ASXL3: variants seen among roughly 807,000 people sequenced by gnomAD.
ASXL3 encodes the protein putative Polycomb group protein ASXL3.
ASXL3 carries 34 observed loss-of-function variants against 170.6 expected under a neutral mutation model. That is an observed-to-expected ratio of 0.20 (90% CI 0.15 to 0.27). The LOEUF is 0.27. ASXL3 is among the 10% of genes least tolerant of loss of function. The probability of loss-of-function intolerance (pLI) is 1.00; values close to 1 mark genes in which losing one functional copy is unlikely to be tolerated. For synonymous variants in ASXL3, 1,002 were observed against 989.1 expected, an observed-to-expected ratio of 1.01 and a Z score of -0.24; for missense variants, 2,592 against 2,695.3, an observed-to-expected ratio of 0.96 and a Z score of 0.85.
intron 1 of ASXL3, among the ~76,000 whole-genome samples, chr18:33,581,276 A>T (rs2064989734): frequency 6.6e-6 from 1 of 152,110 alleles, no homozygotes; most frequent in African/African-American, 2.4e-5. Context: ...GTTGTTAGGG[A>T]CTTTAGCCTT....
intron 1 of ASXL3, among the ~76,000 whole-genome samples, chr18:33,603,864 A>G (rs2065214145): frequency 6.6e-6 from 1 of 152,068 alleles, no homozygotes; most frequent in Non-Finnish European, 1.5e-5. Flanking sequence ...GAAAGAAAGG[A>G]CATTTTATGT....
chr18:33,725,010 C>T (rs9956636), intron 8 of ASXL3, among the ~76,000 whole-genome samples: 59,270 of 151,736 alleles, frequency 0.39, 12,319 homozygotes, highest in East Asian at 0.69. Flanking sequence ...TCTCCTGGGC[C>T]ATCTGAATTA....
chr18:33,734,257 A>G, intron 9 of ASXL3, 53 bp from the exon 10 acceptor site: 2 of 1,250,394 alleles, frequency 1.6e-6, no homozygotes, highest in South Asian at 1.6e-5. Context: ...TTCTTTATTA[A>G]TTAGCAAAAG....
At chr18:33,661,573 A>G in intron 4 of ASXL3, 43 bp from the exon 5 acceptor site, 1 of 1,555,316 alleles carries the variant, frequency 6.4e-7, no homozygotes, top group Admixed American at 1.9e-5. Context: ...GATATAAAAA[A>G]GGAATTCAAA....
chr18:33,718,834 C>CA (rs974599097), intron 8 of ASXL3, among the ~76,000 whole-genome samples: 1 of 151,668 alleles, frequency 6.6e-6, no homozygotes. Context: ...TGGCTATAAG[C>CA]AAGTCATAGG....
chr18:33,700,409 A>G (rs1409393145), intron 8 of ASXL3, among the ~76,000 whole-genome samples: 2 of 151,986 alleles, frequency 1.3e-5, no homozygotes, highest in Non-Finnish European at 2.9e-5. Context: ...GAAGTTTCCT[A>G]GTGGAAAATC....
chr18:33,580,187 T>TG (rs1232139850), intron 1 of ASXL3, among the ~76,000 whole-genome samples: 1 of 152,220 alleles, frequency 6.6e-6, no homozygotes, highest in Non-Finnish European at 1.5e-5. Context: ...ACTCTGTGGA[T>TG]GAATGGGCAG....
chr18:33,700,077 G>A (rs1034515268), intron 8 of ASXL3, among the ~76,000 whole-genome samples: 10 of 152,038 alleles, frequency 6.6e-5, no homozygotes, highest in African/African-American at 2.4e-4. Flanking sequence ...TAGTAAATTT[G>A]CCTGAAAGTG....
intron 1 of ASXL3, among the ~76,000 whole-genome samples, chr18:33,601,473 A>T (rs932930775): frequency 2.0e-5 from 3 of 151,846 alleles, no homozygotes; most frequent in African/African-American, 7.3e-5. Context: ...GTGAGTAGGG[A>T]TTCCTGGTTC....
At chr18:33,733,062 A>T (rs1481149487) in intron 9 of ASXL3, among the ~76,000 whole-genome samples, 34 of 152,062 alleles carry the variant, frequency 2.2e-4, no homozygotes, top group Admixed American at 2.2e-3. Flanking sequence ...TTTCATCAGG[A>T]TCTCCTATTC....
At chr18:33,593,677 T>C (rs929638111) in intron 1 of ASXL3, among the ~76,000 whole-genome samples, 1 of 152,208 alleles carries the variant, frequency 6.6e-6, no homozygotes, top group African/African-American at 2.4e-5. Flanking sequence ...AGGAGGTTTT[T>C]CCCAATCCTT....
intron 4 of ASXL3, among the ~76,000 whole-genome samples, chr18:33,659,793 A>G (rs1409417264): frequency 1.3e-5 from 2 of 152,114 alleles, no homozygotes; most frequent in East Asian, 3.9e-4. Context: ...GTCTTAAGCA[A>G]AAAAATCATA....
intron 2 of ASXL3, among the ~76,000 whole-genome samples, chr18:33,619,482 A>G (rs994027789): frequency 3.7e-4 from 56 of 151,596 alleles, no homozygotes; most frequent in African/African-American, 2.4e-5. Flanking sequence ...ACCCACTTAC[A>G]TTTGGAGGAT....
intron 8 of ASXL3, among the ~76,000 whole-genome samples, chr18:33,712,916 TC>T (rs1307270126): frequency 6.6e-6 from 1 of 152,132 alleles, no homozygotes; most frequent in Non-Finnish European, 1.5e-5. Context: ...GTGCAGTACT[TC>T]TGTTTCTTCT....
chr18:33,676,759 T>A (rs1243715606), intron 7 of ASXL3, among the ~76,000 whole-genome samples: 1 of 152,176 alleles, frequency 6.6e-6, no homozygotes, highest in African/African-American at 2.4e-5. Flanking sequence ...GCCTAATCAG[T>A]TGTTTTAATA....
At chr18:33,631,070 A>G (rs2065669825) in intron 2 of ASXL3, among the ~76,000 whole-genome samples, 1 of 152,058 alleles carries the variant, frequency 6.6e-6, no homozygotes, top group South Asian at 2.1e-4. Flanking sequence ...AAAGGAAAAG[A>G]TGGAGATAAT....
At chr18:33,684,606 T>A (rs2066564126) in intron 8 of ASXL3, among the ~76,000 whole-genome samples, 1 of 152,160 alleles carries the variant, frequency 6.6e-6, no homozygotes, top group Admixed American at 6.5e-5. Flanking sequence ...GAGTTTTTTC[T>A]CTTTCAATAA....
chr18:33,634,312 A>G (rs1237421326), intron 2 of ASXL3, among the ~76,000 whole-genome samples: 1 of 151,624 alleles, frequency 6.6e-6, no homozygotes, highest in Non-Finnish European at 1.5e-5. Flanking sequence ...ACAGTTGTGG[A>G]TGTGGCATAG....
At position 33,745,892 on chromosome 18, in the gene ASXL3, T is replaced by C. The variant is rs1372887240; in HGVS notation, c.6044T>C (p.Val2015Ala). The C allele has an allele frequency of 3.1e-6, 5 of 1,612,482 alleles. No individual in the cohort carries two copies. Among genetic ancestry groups the C allele is most frequent in the South Asian group, 1.1e-5 (1 of 91,022 alleles). The change falls in exon 12 of 12, where the codon GTA (valine) becomes GCA (alanine). Residue 2015 changes from valine to alanine, a missense_variant. Val to Ala is a moderately conservative substitution (Grantham distance 64). Coordinates refer to ENST00000269197, the MANE Select transcript of ASXL3 (RefSeq NM_030632.3). ...CACACAATGCCAAACAAAGCACTAGTACATCCGCCGCCGCCACCGCCTCCC... is the reference window on the plus strand; with the variant it reads ...CACACAATGCCAAACAAAGCACTAGCACATCCGCCGCCGCCACCGCCTCCC... Reference protein sequence around the residue: ...TAHTMPNKALVHPPPPPPPPP... With the variant: ...TAHTMPNKALAHPPPPPPPPP...
Sources: gnomAD v4.1 joint callset for allele counts (sites outside exome capture counted in the v4.1 genomes callset) on GRCh38, gnomAD v4.1.1 for gene constraint, MANE v1.5 for transcripts, NCBI Gene and HGNC (gene_info 2026-07-23, HGNC 2026-07-21) for gene names.